Variants in RORA observed in about 807,000 individuals in gnomAD.
RORA encodes nuclear receptor ROR-alpha.
In RORA, 7 loss-of-function variants were observed where a neutral mutation model predicts 69.5. The ratio of observed to expected loss-of-function variants is 0.10; its 90% CI spans 0.06 to 0.19. The LOEUF (loss-of-function observed/expected upper bound fraction) is 0.19. Among genes scored for constraint, RORA ranks in the 10% least tolerant of loss-of-function variants. The pLI is 1.00. For missense variants in RORA, 457 were observed against 663.0 expected (o/e 0.69, Z 3.41); for synonymous variants, 261 against 240.8 (o/e 1.08, Z -0.78).
At chr15:61,180,143 CAAAAAAAAAA>C (rs71456351) in intron 1 of RORA, among the ~76,000 whole-genome samples, 14 of 36,688 alleles carry the variant, frequency 3.8e-4, no homozygotes, top group African/African-American at 8.6e-4. Context: ...GACTCCATCT[CAAAAAAAAAA>C]AAAAAAAAAA....
Position 60,661,570 on chromosome 15 carries a change from G to C in RORA, c.196+17087C>G, listed in dbSNP as rs191840619. The stretch of plus-strand genomic sequence containing the variant: ...TGGAACCATGGAAACTTTGAGACCA[G>C]GTAAAGGGTTTCTCCCATCTATTAA... On this transcript the variant is annotated intron_variant, in intron 2 of 10. Transcript: ENST00000335670. Among the ~76,000 whole-genome samples the C allele has an allele frequency of 8.1e-4, 123 of 152,290 alleles. 1 individual carries two copies. The highest frequency in any genetic ancestry group is 1.5e-3 in the Non-Finnish European group (104 of 68,022).
chr15:60,768,501 G>C (rs1435124201), intron 1 of RORA, among the ~76,000 whole-genome samples: 1 of 152,154 alleles, frequency 6.6e-6, no homozygotes, highest in Non-Finnish European at 1.5e-5. Context: ...TCACTGGCTG[G>C]ACCTCAACTG....
intron 1 of RORA, among the ~76,000 whole-genome samples, chr15:61,192,847 T>A (rs1350763397): frequency 6.6e-6 from 1 of 152,202 alleles, no homozygotes; most frequent in Non-Finnish European, 1.5e-5. Context: ...TTCTAATCTG[T>A]GAAACGGAGC....
chr15:61,038,059 T>TA (rs894268710), intron 1 of RORA, among the ~76,000 whole-genome samples: 5 of 151,508 alleles, frequency 3.3e-5, no homozygotes, highest in East Asian at 1.9e-4. Context: ...ACATCGCATT[T>TA]AAAAAAAAAC....
intron 1 of RORA, among the ~76,000 whole-genome samples, chr15:60,731,499 A>G (rs972850677): frequency 4.6e-5 from 7 of 152,224 alleles, no homozygotes; most frequent in African/African-American, 1.7e-4. Context: ...AAAAAAGTCA[A>G]AACAGCAAGG....
chr15:60,847,638 T>C (rs1447459595), intron 1 of RORA: 1 of 152,020 alleles, frequency 6.6e-6, no homozygotes, highest in Non-Finnish European at 1.5e-5. Context: ...TGAGGTATGC[T>C]TCAAGCATAA....
chr15:60,978,961 CT>C (rs543353825), intron 1 of RORA, among the ~76,000 whole-genome samples: 2,837 of 95,136 alleles, frequency 0.03, 172 homozygotes, highest in African/African-American at 0.11. Context: ...CAACTTTGCT[CT>C]TTTTTTTTTT....
intron 1 of RORA, among the ~76,000 whole-genome samples, chr15:60,827,881 T>A (rs1390095033): frequency 6.6e-6 from 1 of 152,200 alleles, no homozygotes; most frequent in Non-Finnish European, 1.5e-5. Flanking sequence ...ACAACTACTG[T>A]TTGAGATGTT....
intron 1 of RORA, among the ~76,000 whole-genome samples, chr15:60,903,085 G>A (rs998331229): frequency 2.6e-5 from 4 of 152,166 alleles, no homozygotes; most frequent in Non-Finnish European, 5.9e-5. Context: ...GACCTTTCTG[G>A]CTGAGTCTAT....
At chr15:60,698,110 T>C (rs1455221313) in intron 1 of RORA, among the ~76,000 whole-genome samples, 2 of 152,192 alleles carry the variant, frequency 1.3e-5, no homozygotes, top group African/African-American at 2.4e-5. Flanking sequence ...TTGTATCAAG[T>C]CTCAGTTTCA....
chr15:60,863,765 C>T (rs939700689), intron 1 of RORA, among the ~76,000 whole-genome samples: 7 of 151,564 alleles, frequency 4.6e-5, no homozygotes, highest in African/African-American at 1.7e-4. Context: ...TTCATTATCA[C>T]AAAAGGGTGG....
At chr15:61,135,253 C>T (rs1476031775) in intron 1 of RORA, among the ~76,000 whole-genome samples, 1 of 151,030 alleles carries the variant, frequency 6.6e-6, no homozygotes, top group African/African-American at 2.4e-5. Flanking sequence ...AACACTTGAA[C>T]ACAGGAGGTG....
chr15:61,137,062 A>AGAAAGAAAGAAAGAAG (rs1567006618), intron 1 of RORA, among the ~76,000 whole-genome samples: 5 of 149,570 alleles, frequency 3.3e-5, no homozygotes, highest in African/African-American at 1.3e-4. Context: ...AAAGAAAGAA[A>AGAAAGAAAGAAAGAAG]GAAAGAAAGA....
intron 1 of RORA, among the ~76,000 whole-genome samples, chr15:60,849,456 G>T (rs1408427111): frequency 1.3e-5 from 2 of 152,232 alleles, no homozygotes; most frequent in African/African-American, 4.8e-5. Flanking sequence ...GACAATACTT[G>T]CTATTTACGA....
rs2065119738 is a variant in RORA, at chr15:60,494,502, G to A, written c.*2953C>T. 6.6e-6 allele frequency: 1 copy of A among 152,242 alleles called. No individual in the cohort carries two copies. The highest frequency in any genetic ancestry group is 2.4e-5 in the African/African-American group (1 of 41,468). 9.4% of individuals were successfully genotyped at this position (152,242 alleles called of 1,614,324 possible). On this transcript the variant is annotated 3_prime_UTR_variant, in exon 11 of 11. Transcript: ENST00000335670. ...TTCTGATATCACCCAAGTATTTTAT[G>A]TCATCACATAGGTGTTTTTGTAATA...
At chr15:60,907,288 G>T (rs1287947392) in intron 1 of RORA, among the ~76,000 whole-genome samples, 2 of 152,188 alleles carry the variant, frequency 1.3e-5, no homozygotes, top group Non-Finnish European at 2.9e-5. Flanking sequence ...AGTCATTGGG[G>T]ATTCATGGAA....
At chr15:61,058,173 C>CA (rs1458409294) in intron 1 of RORA, among the ~76,000 whole-genome samples, 2 of 152,020 alleles carry the variant, frequency 1.3e-5, no homozygotes, top group Non-Finnish European at 2.9e-5. Context: ...TAAGAACCCG[C>CA]AAGGTGTTGT....
intron 2 of RORA, among the ~76,000 whole-genome samples, chr15:60,627,054 G>A (rs1225167372): frequency 1.3e-5 from 2 of 152,100 alleles, no homozygotes; most frequent in African/African-American, 2.4e-5. Flanking sequence ...ATCCCACCTC[G>A]GGTTCCCATT....
chr15:60,743,654 G>A (rs1380396087), intron 1 of RORA, among the ~76,000 whole-genome samples: 1 of 152,218 alleles, frequency 6.6e-6, no homozygotes, highest in Non-Finnish European at 1.5e-5. Context: ...CACAAGGCAT[G>A]GTGAGTGGAT....
Sources: gnomAD v4.1 joint callset for allele counts (sites outside exome capture counted in the v4.1 genomes callset) on GRCh38, gnomAD v4.1.1 for gene constraint, MANE v1.5 for transcripts, NCBI Gene and HGNC (gene_info 2026-07-23, HGNC 2026-07-21) for gene names.